The following MCPH1 variants were observed in gnomAD, a reference collection of about 807,000 sequenced individuals.
The protein encoded by MCPH1 is microcephalin 1, also known as microcephalin.
A neutral mutation model predicts 84.5 loss-of-function variants in MCPH1; 104 were observed. That is an observed-to-expected ratio of 1.23 (90% CI 1.05 to 1.45). The LOEUF (loss-of-function observed/expected upper bound fraction) is 1.45, where lower values mean the gene tolerates loss of function less well. Among genes scored for constraint, MCPH1 ranks in the 40% most tolerant of loss-of-function variants. The pLI is 0.00. For missense variants in MCPH1, 1,498 were observed against 1,005.7 expected, an observed-to-expected ratio of 1.49 and a Z score of -6.62; for synonymous variants, 514 against 366.8, an observed-to-expected ratio of 1.40 and a Z score of -4.58.
At chr8:6,408,982 T>G (rs1244485980) in intron 1 of MCPH1, among the ~76,000 whole-genome samples, 4 of 151,460 alleles carry the variant, frequency 2.6e-5, no homozygotes, top group Admixed American at 1.3e-4. Flanking sequence ...GCCTCCCGGG[T>G]TCAAGTGATT....
At chr8:6,443,718 G>C (rs1036941366) in intron 7 of MCPH1, among the ~76,000 whole-genome samples, 1 of 152,218 alleles carries the variant, frequency 6.6e-6, no homozygotes, top group Non-Finnish European at 1.5e-5. Flanking sequence ...GGCAGTGGGA[G>C]GGTCCCAGGG....
At chr8:6,505,441 T>G (rs1458704992) in intron 12 of MCPH1, among the ~76,000 whole-genome samples, 1 of 82,138 alleles carries the variant, frequency 1.2e-5, no homozygotes, top group Non-Finnish European at 2.5e-5. Flanking sequence ...TATATATTCT[T>G]TATATACATA....
chr8:6,406,688 A>AGGTGAGGTG lies in MCPH1; in HGVS notation c.22+7_22+8insGGGTGAGGT. On this transcript the variant is annotated inframe_insertion and splice_region_variant, in exon 1 of 14. Transcript: ENST00000344683. Reference sequence around the variant, plus strand: ...CTGTCATGGCGGCCCCCATCCTGAAAGGTGAGGTACTTCCTGCTGCCTGCT... The same window carrying AGGTGAGGTG: ...CTGTCATGGCGGCCCCCATCCTGAAAGGTGAGGTGGGTGAGGTACTTCCTGCTGCCTGCT... 3.1e-6 allele frequency: 5 copies of AGGTGAGGTG among 1,612,160 alleles called. No homozygotes were observed. Among genetic ancestry groups the AGGTGAGGTG allele is most frequent in the Non-Finnish European group, 4.2e-6 (5 of 1,179,526 alleles).
intron 12 of MCPH1, among the ~76,000 whole-genome samples, chr8:6,561,839 C>G (rs1417631459): frequency 6.6e-6 from 1 of 152,154 alleles, no homozygotes; most frequent in Non-Finnish European, 1.5e-5. Context: ...TTGGTTACGT[C>G]TCCATAAAAA....
At chr8:6,623,137 G>A (rs1268092804) in intron 13 of MCPH1, among the ~76,000 whole-genome samples, 1 of 151,246 alleles carries the variant, frequency 6.6e-6, no homozygotes, top group African/African-American at 2.4e-5. Context: ...ACAGGTGTGA[G>A]CCACTGCACC....
intron 1 of MCPH1, chr8:6,407,094 C>T (rs751581557): frequency 3.4e-4 from 109 of 324,926 alleles, no homozygotes; most frequent in Non-Finnish European, 4.7e-4. Context: ...GCTTTCACCC[C>T]TGCTGCCTTA....
chr8:6,489,201 T>C (rs543981787), intron 11 of MCPH1, among the ~76,000 whole-genome samples: 1 of 152,212 alleles, frequency 6.6e-6, no homozygotes, highest in African/African-American at 2.4e-5. Context: ...GAGGAAAGGT[T>C]AACTATTCAC....
chr8:6,522,152 G>T (rs1402126081), intron 12 of MCPH1, among the ~76,000 whole-genome samples: 1 of 151,848 alleles, frequency 6.6e-6, no homozygotes, highest in Non-Finnish European at 1.5e-5. Flanking sequence ...TCGGGAGATT[G>T]AGAGTATCCT....
At chr8:6,609,271 G>A (rs556453479) in intron 12 of MCPH1, among the ~76,000 whole-genome samples, 5 of 152,326 alleles carry the variant, frequency 3.3e-5, no homozygotes, top group South Asian at 4.1e-4. Context: ...CCACCAAAGC[G>A]CATGGACGGG....
chr8:6,639,978 G>C (rs1208100995), intron 13 of MCPH1, among the ~76,000 whole-genome samples: 6 of 151,792 alleles, frequency 4.0e-5, no homozygotes, highest in Non-Finnish European at 8.8e-5. Flanking sequence ...GGCTCAAGCA[G>C]TCCTCCCACC....
chr8:6,569,095 G>A (rs1391374937), intron 12 of MCPH1, among the ~76,000 whole-genome samples: 2 of 152,136 alleles, frequency 1.3e-5, no homozygotes, highest in African/African-American at 4.8e-5. Flanking sequence ...TTAATGTTCA[G>A]TATACAGGGA....
chr8:6,484,112 A>T (rs1483565927), intron 11 of MCPH1, among the ~76,000 whole-genome samples: 1 of 152,230 alleles, frequency 6.6e-6, no homozygotes, highest in Non-Finnish European at 1.5e-5. Context: ...TACTCTGTGA[A>T]AGATATTATG....
At chr8:6,416,814 T>G (rs1342335310) in intron 3 of MCPH1, among the ~76,000 whole-genome samples, 3 of 84,750 alleles carry the variant, frequency 3.5e-5, no homozygotes, top group African/African-American at 8.1e-5. Context: ...ATCAATATGG[T>G]AAAACCCTAT....
chr8:6,433,454 G>A (rs572199650), intron 4 of MCPH1, among the ~76,000 whole-genome samples: 2 of 151,906 alleles, frequency 1.3e-5, no homozygotes, highest in South Asian at 2.1e-4. Flanking sequence ...CCAACATGGC[G>A]AAACCCCATC....
chr8:6,618,963 A>T (rs1586823659), intron 12 of MCPH1: 2 of 152,224 alleles, frequency 1.3e-5, no homozygotes, highest in African/African-American at 2.4e-5. Flanking sequence ...GACAGTGTCC[A>T]GCAAAGAGAA....
intron 8 of MCPH1, chr8:6,446,545 A>G (rs569619626): frequency 2.0e-6 from 2 of 983,270 alleles, no homozygotes; most frequent in South Asian, 4.7e-5. Flanking sequence ...CTGAACATAT[A>G]TTAAATTTGA....
At chr8:6,423,118 G>T (rs1434515460) in intron 3 of MCPH1, among the ~76,000 whole-genome samples, 1 of 151,040 alleles carries the variant, frequency 6.6e-6, no homozygotes, top group Non-Finnish European at 1.5e-5. Flanking sequence ...ACCGTGCCTG[G>T]CAAAAGCACA....
chr8:6,568,752 A>G (rs1315394345), intron 12 of MCPH1, among the ~76,000 whole-genome samples: 1 of 152,202 alleles, frequency 6.6e-6, no homozygotes, highest in Non-Finnish European at 1.5e-5. Flanking sequence ...CCCTCCTGAG[A>G]CTGTCTCCCG....
chr8:6,611,100 A>C (rs758047717), intron 12 of MCPH1, among the ~76,000 whole-genome samples: 11 of 147,784 alleles, frequency 7.4e-5, no homozygotes, highest in Non-Finnish European at 1.2e-4. Context: ...CTACACACAC[A>C]CATACACACA....
Sources: gnomAD v4.1 joint callset for allele counts (sites outside exome capture counted in the v4.1 genomes callset) on GRCh38, gnomAD v4.1.1 for gene constraint, MANE v1.5 for transcripts, NCBI Gene and HGNC (gene_info 2026-07-23, HGNC 2026-07-21) for gene names.